Variants in PIP5K1B observed in about 807,000 individuals in gnomAD.
The protein encoded by PIP5K1B is phosphatidylinositol 4-phosphate 5-kinase type-1 beta.
PIP5K1B carries 42 observed loss-of-function variants against 67.0 expected under a neutral mutation model. That is an observed-to-expected ratio of 0.63 (90% CI 0.49 to 0.81). PIP5K1B has a LOEUF of 0.81. Among genes scored for constraint, PIP5K1B ranks in the 30% least tolerant of loss-of-function variants. The pLI, the probability that PIP5K1B is intolerant of heterozygous loss-of-function variation, is 0.00. For missense variants in PIP5K1B, 459 were observed against 646.3 expected (o/e 0.71, Z 3.14); for synonymous variants, 214 against 231.4 (o/e 0.92, Z 0.68).
rs372918661 is a variant in PIP5K1B at position 68,851,714 on chromosome 9, A to G, written c.70-12123A>G. Among the ~76,000 whole-genome samples, 87 of 152,334 alleles carry G rather than the reference A, an allele frequency of 5.7e-4. 2 individuals are homozygous for G. The South Asian group carries it at 0.018, about 32-fold the overall frequency. On this transcript the variant is annotated intron_variant, in intron 4 of 15. Transcript: ENST00000265382. ...AGTGGATGCAGAGACCAGAAATCAC[A>G]AGGCAAGTTTAAGTGGGACAGTTTG...
rs1366727871 is a variant in PIP5K1B at position 68,854,091 on chromosome 9, A to G, written c.70-9746A>G. Among the ~76,000 whole-genome samples the G allele has an allele frequency of 4.1e-5, 6 of 145,834 alleles. No individual in the cohort carries two copies. In the East Asian group the frequency reaches 1.0e-3, roughly 24 times the overall value. On this transcript the variant is annotated intron_variant, in intron 4 of 15. Coordinates refer to ENST00000265382, the MANE Select transcript of PIP5K1B (RefSeq NM_003558.4). ...ACATACCAGATGTCTAGATGAGACC[A>G]TTTTTACAGATCTATGACTGGGAAT...
At chr9:68,859,822 TCA>T (rs1223258338) in intron 4 of PIP5K1B, among the ~76,000 whole-genome samples, 3 of 152,242 alleles carry the variant, frequency 2.0e-5, no homozygotes, top group Non-Finnish European at 2.9e-5. Flanking sequence ...CAGTGTTTTT[TCA>T]CAGTTTCAAA....
intron 4 of PIP5K1B, among the ~76,000 whole-genome samples, chr9:68,860,861 A>G (rs1823028244): frequency 6.6e-6 from 1 of 152,152 alleles, no homozygotes; most frequent in African/African-American, 2.4e-5. Context: ...TCCCAGCTTC[A>G]CCTTGTCAGT....
chr9:68,903,404 T>A (rs1198148538), intron 8 of PIP5K1B, among the ~76,000 whole-genome samples: 1 of 152,214 alleles, frequency 6.6e-6, no homozygotes, highest in Non-Finnish European at 1.5e-5. Flanking sequence ...TTGTTTGGAG[T>A]ACATTTGTAT....
At chr9:68,932,158 T>C (rs1827036332) in intron 12 of PIP5K1B, among the ~76,000 whole-genome samples, 1 of 152,176 alleles carries the variant, frequency 6.6e-6, no homozygotes, top group South Asian at 2.1e-4. Flanking sequence ...CCTGAGTATC[T>C]TTTCCTCATT....
intron 2 of PIP5K1B, among the ~76,000 whole-genome samples, chr9:68,747,027 T>C (rs531037644): frequency 4.5e-4 from 68 of 152,188 alleles, no homozygotes; most frequent in African/African-American, 1.6e-3. Context: ...AGCTGGATTC[T>C]GAAGGAAGGC....
chr9:68,999,552 G>A lies in PIP5K1B; in HGVS notation c.1620+8295G>A, dbSNP rs114593907. ...TGTTCGAAGTAAAATCCCTGGGGGT[G>A]GACTGAGGCATTGGTATTTTTTAAA... On this transcript the variant is annotated intron_variant, in intron 15 of 15. Coordinates refer to ENST00000265382, the MANE Select transcript of PIP5K1B (RefSeq NM_003558.4). Among the ~76,000 whole-genome samples the A allele has an allele frequency of 7.3e-3, 1,118 of 152,274 alleles. 12 individuals are homozygous for A. The highest frequency in any genetic ancestry group is 0.025 in the African/African-American group (1,057 of 41,532).
chr9:68,994,960 A>G (rs1048267754), intron 15 of PIP5K1B, among the ~76,000 whole-genome samples: 10 of 148,260 alleles, frequency 6.7e-5, no homozygotes, highest in African/African-American at 1.7e-4. Context: ...ACACAGTGAT[A>G]CCTCATCTCT....
At chr9:68,853,383 A>G (rs1344752578) in intron 4 of PIP5K1B, among the ~76,000 whole-genome samples, 1 of 152,208 alleles carries the variant, frequency 6.6e-6, no homozygotes, top group African/African-American at 2.4e-5. Context: ...AAATTTGGAA[A>G]GAGTTGTTGA....
chr9:68,792,683 A>G (rs897531071), intron 2 of PIP5K1B, among the ~76,000 whole-genome samples: 6 of 152,028 alleles, frequency 3.9e-5, no homozygotes, highest in African/African-American at 1.2e-4. Flanking sequence ...GTTTCGCTGC[A>G]TTAGCCAGGA....
intron 14 of PIP5K1B, among the ~76,000 whole-genome samples, chr9:68,976,859 C>A (rs1196623842): frequency 6.6e-6 from 1 of 152,216 alleles, no homozygotes; most frequent in African/African-American, 2.4e-5. Flanking sequence ...GCTGTGCGGC[C>A]TGGTTCCTAG....
At chr9:68,872,076 T>C (rs1823652233) in intron 5 of PIP5K1B, among the ~76,000 whole-genome samples, 1 of 152,254 alleles carries the variant, frequency 6.6e-6, no homozygotes. Flanking sequence ...GCCTGTGGAC[T>C]TCAGGAGGCA....
At chr9:68,740,491 ATCACAGAGATACC>A (rs1258917513) in intron 1 of PIP5K1B, among the ~76,000 whole-genome samples, 1 of 152,166 alleles carries the variant, frequency 6.6e-6, no homozygotes, top group Non-Finnish European at 1.5e-5. Flanking sequence ...CTTCTCCATA[ATCACAGAGATACC>A]TCGCATAAGG....
intron 2 of PIP5K1B, among the ~76,000 whole-genome samples, chr9:68,813,015 T>C (rs1377025731): frequency 1.3e-5 from 2 of 152,174 alleles, no homozygotes; most frequent in African/African-American, 4.8e-5. Context: ...AAACTACTCA[T>C]CTACAAAGTG....
intron 2 of PIP5K1B, among the ~76,000 whole-genome samples, chr9:68,785,719 A>C (rs953132822): frequency 1.3e-5 from 2 of 152,118 alleles, no homozygotes; most frequent in Non-Finnish European, 2.9e-5. Context: ...GTAGGCAGCG[A>C]ATTGTGGTGG....
chr9:69,006,708 C>G (rs967477895), intron 15 of PIP5K1B, among the ~76,000 whole-genome samples: 2 of 60,382 alleles, frequency 3.3e-5, no homozygotes, highest in African/African-American at 7.7e-5. Flanking sequence ...TCAGGTTACT[C>G]ACTGTCCCTC....
chr9:68,976,997 T>C (rs1442045205), intron 14 of PIP5K1B, among the ~76,000 whole-genome samples: 1 of 152,210 alleles, frequency 6.6e-6, no homozygotes, highest in East Asian at 1.9e-4. Context: ...CAACCCTGTT[T>C]TCAATGTGTG....
chr9:68,977,608 G>GT (rs1309788281), intron 14 of PIP5K1B, among the ~76,000 whole-genome samples: 1 of 150,584 alleles, frequency 6.6e-6, no homozygotes, highest in African/African-American at 2.4e-5. Context: ...TTTTGGTGGC[G>GT]TATTTTTTTG....
At chr9:68,959,203 T>C (rs17485698) in intron 14 of PIP5K1B, among the ~76,000 whole-genome samples, 4,267 of 152,280 alleles carry the variant, frequency 0.028, 67 homozygotes, top group Middle Eastern at 0.041. Flanking sequence ...CAATGGTTAT[T>C]CTTAATTCCA....
Sources: gnomAD v4.1 joint callset for allele counts (sites outside exome capture counted in the v4.1 genomes callset) on GRCh38, gnomAD v4.1.1 for gene constraint, MANE v1.5 for transcripts, NCBI Gene and HGNC (gene_info 2026-07-23, HGNC 2026-07-21) for gene names.